ATP10B: variants seen among roughly 807,000 people sequenced by gnomAD.
ATP10B encodes the protein ATPase phospholipid transporting 10B (putative).
A neutral mutation model predicts 141.2 loss-of-function variants in ATP10B; 122 were observed. That is an observed-to-expected ratio of 0.86 (90% CI 0.75 to 1.00). The LOEUF (loss-of-function observed/expected upper bound fraction) is 1.00. Ranked by LOEUF, ATP10B falls within the 50% of genes least tolerant of loss-of-function variation. ATP10B has a pLI of 0.00. For missense variants in ATP10B, 1,876 were observed against 1,825.3 expected (o/e 1.03, Z -0.51); for synonymous variants, 685 against 692.0 (o/e 0.99, Z 0.16).
At chr5:160,838,203 G>C (rs529032519) in intron 1 of ATP10B, among the ~76,000 whole-genome samples, 1 of 152,090 alleles carries the variant, frequency 6.6e-6, no homozygotes, top group South Asian at 2.1e-4. Context: ...CATTCTGTAG[G>C]TTCCTCACAT....
the ATP10B span, among the ~76,000 whole-genome samples, chr5:160,913,436 T>C: frequency 6.6e-6 from 1 of 152,228 alleles, no homozygotes; most frequent in African/African-American, 2.4e-5. Context: ...ACTATGGGAC[T>C]GCAGTCTCAT....
At chr5:160,653,825 T>C (rs1283325478) in intron 7 of ATP10B, among the ~76,000 whole-genome samples, 1 of 128,912 alleles carries the variant, frequency 7.8e-6, no homozygotes, top group African/African-American at 2.9e-5. Context: ...TATATAGACG[T>C]ATATACATAT....
At chr5:160,680,298 G>GA (rs35725565) in intron 6 of ATP10B, among the ~76,000 whole-genome samples, 47 of 148,464 alleles carry the variant, frequency 3.2e-4, no homozygotes, top group Admixed American at 1.1e-3. Flanking sequence ...TTGCTTCCCA[G>GA]AAAAAAAAAA....
chr5:160,756,285 A>G (rs1335865632), intron 2 of ATP10B, among the ~76,000 whole-genome samples: 1 of 151,798 alleles, frequency 6.6e-6, no homozygotes, highest in East Asian at 1.9e-4. Flanking sequence ...TTACTTATTG[A>G]TATTGGGTTT....
intron 1 of ATP10B, among the ~76,000 whole-genome samples, chr5:160,839,437 T>C (rs1002138932): frequency 4.6e-5 from 7 of 152,042 alleles, no homozygotes; most frequent in African/African-American, 9.7e-5. Flanking sequence ...GGGGTAGCCA[T>C]TGAAAGCTTT....
intron 1 of ATP10B, among the ~76,000 whole-genome samples, chr5:160,829,802 C>A (rs1774936624): frequency 6.6e-6 from 1 of 151,948 alleles, no homozygotes; most frequent in Admixed American, 6.6e-5. Flanking sequence ...ATATTGATTT[C>A]ATATCCTGCA....
intron 2 of ATP10B, among the ~76,000 whole-genome samples, chr5:160,732,379 T>C (rs80113287): frequency 0.058 from 8,762 of 152,302 alleles, 786 homozygotes; most frequent in African/African-American, 0.2. Flanking sequence ...TTGCCTTGAC[T>C]AATGTCCTGA....
rs190246920 is a variant in ATP10B, at chr5:160,566,935, C to T, written c.3939-1035G>A. Among the ~76,000 whole-genome samples, 207 of 152,288 alleles carry T rather than the reference C, an allele frequency of 1.4e-3. 1 individual carries two copies. Among genetic ancestry groups the T allele is most frequent in the Admixed American group, 1.5e-3 (23 of 15,290 alleles). On this transcript the variant is annotated intron_variant, in intron 25 of 25. Transcript: ENST00000327245. ...ATGTCTAAAAGCTGCAAGGTGACCC[C>T]TCTACCCCTGGCCAACCCCTGCCAG... is the stretch of plus-strand genomic sequence containing the variant.
chr5:160,854,596 A>T (rs553414690), upstream of ATP10B, among the ~76,000 whole-genome samples: 1 of 152,246 alleles, frequency 6.6e-6, no homozygotes, highest in African/African-American at 2.4e-5. Flanking sequence ...GGTTGGTTCC[A>T]AGTCTTTGCT....
intron 24 of ATP10B, among the ~76,000 whole-genome samples, chr5:160,586,372 A>T (rs1281764892): frequency 1.3e-5 from 2 of 152,086 alleles, no homozygotes; most frequent in Non-Finnish European, 2.9e-5. Flanking sequence ...TCTTTATCCA[A>T]TCTGTCATTG....
the ATP10B span, among the ~76,000 whole-genome samples, chr5:160,912,429 AAAAAAAAAAAAAG>A: frequency 6.7e-6 from 1 of 148,872 alleles, no homozygotes; most frequent in Non-Finnish European, 1.5e-5. Context: ...AAAAAAAAAA[AAAAAAAAAAAAAG>A]AGAAAACTTA....
intron 7 of ATP10B, among the ~76,000 whole-genome samples, chr5:160,650,041 G>T (rs1018491659): frequency 6.6e-6 from 1 of 151,638 alleles, no homozygotes; most frequent in African/African-American, 2.4e-5. Flanking sequence ...CCTGGGAGGT[G>T]GAGGTTGCAG....
At chr5:160,789,021 T>C (rs747796187) in intron 1 of ATP10B, among the ~76,000 whole-genome samples, 24 of 152,146 alleles carry the variant, frequency 1.6e-4, no homozygotes, top group Admixed American at 9.8e-4. Flanking sequence ...GCCTCAATAG[T>C]TGGCTTCATG....
chr5:160,655,455 C>T (rs1434545516), intron 7 of ATP10B, among the ~76,000 whole-genome samples: 2 of 152,082 alleles, frequency 1.3e-5, no homozygotes, highest in Non-Finnish European at 2.9e-5. Flanking sequence ...TGTCATCTTC[C>T]TCTGGGGCAT....
the ATP10B span, among the ~76,000 whole-genome samples, chr5:160,888,304 T>TA: frequency 2.0e-5 from 3 of 152,158 alleles, no homozygotes; most frequent in Non-Finnish European, 2.9e-5. Context: ...GAAATTTCTT[T>TA]AAAAAAATCC....
chr5:160,861,659 G>A, the ATP10B span, among the ~76,000 whole-genome samples: 6 of 151,814 alleles, frequency 4.0e-5, no homozygotes, highest in African/African-American at 1.4e-4. Flanking sequence ...TGAATACAAG[G>A]AGAAGTATTG....
chr5:160,643,180 G>T (rs1329611831), intron 9 of ATP10B, among the ~76,000 whole-genome samples: 1 of 152,150 alleles, frequency 6.6e-6, no homozygotes, highest in Non-Finnish European at 1.5e-5. Context: ...TGTTTAAAAA[G>T]ACCTGTTTTT....
intron 1 of ATP10B, among the ~76,000 whole-genome samples, chr5:160,811,752 C>G (rs1773168174): frequency 6.6e-6 from 1 of 152,104 alleles, no homozygotes; most frequent in Admixed American, 6.5e-5. Context: ...CTGGACCCAC[C>G]AAGGGCCTGG....
chr5:160,892,413 T>G, the ATP10B span, among the ~76,000 whole-genome samples: 4 of 152,374 alleles, frequency 2.6e-5, no homozygotes, highest in Admixed American at 2.6e-4. Flanking sequence ...TTCAAATTAA[T>G]GAATTGCCTC....
Sources: gnomAD v4.1 joint callset for allele counts (sites outside exome capture counted in the v4.1 genomes callset) on GRCh38, gnomAD v4.1.1 for gene constraint, MANE v1.5 for transcripts, NCBI Gene and HGNC (gene_info 2026-07-23, HGNC 2026-07-21) for gene names.